The following DENND5B variants were observed in gnomAD, a reference collection of about 807,000 sequenced individuals.
The protein encoded by DENND5B is DENN domain-containing protein 5B.
In DENND5B, 34 loss-of-function variants were observed where a neutral mutation model predicts 140.6. The observed-to-expected ratio is 0.24, with a 90% CI of 0.18 to 0.32. DENND5B has a LOEUF of 0.32. DENND5B is among the 10% of genes least tolerant of loss of function. The probability of loss-of-function intolerance (pLI) is 1.00; values close to 1 mark genes in which losing one functional copy is unlikely to be tolerated. For synonymous variants in DENND5B, 551 were observed against 562.1 expected (o/e 0.98, Z 0.28); for missense variants, 1,142 against 1,560.2 (o/e 0.73, Z 4.52).
rs1040626243 is a variant in DENND5B, at chr12:31,591,103, C to G, written c.-271G>C. 6.4e-6 allele frequency: 1 copy of G among 155,756 alleles called. No homozygotes were observed. Among genetic ancestry groups the G allele is most frequent in the Non-Finnish European group, 1.4e-5 (1 of 72,926 alleles). The allele number at this position is 155,756 out of a possible 1,614,324, so 9.6% of individuals were successfully genotyped here. A position where few individuals can be genotyped will look rare whatever the true frequency, so the allele number is the denominator to read the frequency against. ...TCGGCCTGAGAGGCCCTCGCAGCCG[C>G]AGCTGCGCTCGCGAGCTGAGAGCCG... On this transcript the variant is annotated 5_prime_UTR_variant, in exon 1 of 21. Transcript: ENST00000389082.
At chr12:31,570,468 A>AACC in intron 1 of DENND5B, among the ~76,000 whole-genome samples, 7 of 151,382 alleles carry the variant, frequency 4.6e-5, no homozygotes, top group Admixed American at 2.0e-4. Context: ...TAGTAGAGAC[A>AACC]GGGTTTTACC....
intron 5 of DENND5B, among the ~76,000 whole-genome samples, chr12:31,450,908 G>A (rs1944484343): frequency 6.6e-6 from 1 of 151,940 alleles, no homozygotes; most frequent in Non-Finnish European, 1.5e-5. Context: ...ATAAAATCTG[G>A]GAGATAGGTG....
intron 1 of DENND5B, among the ~76,000 whole-genome samples, chr12:31,574,557 T>C (rs901423287): frequency 6.6e-6 from 1 of 151,844 alleles, no homozygotes; most frequent in African/African-American, 2.4e-5. Context: ...GTCACCGCAC[T>C]CCAGCCTGGG....
chr12:31,398,397 T>G (rs1335835624), intron 16 of DENND5B, 35 bp from the exon 17 acceptor site: 1 of 1,514,542 alleles, frequency 6.6e-7, no homozygotes, highest in East Asian at 2.5e-5. Context: ...TTATTTTTTA[T>G]TTTTTTGAGA....
intron 11 of DENND5B, among the ~76,000 whole-genome samples, chr12:31,419,429 C>T (rs1265976982): frequency 6.8e-6 from 1 of 147,468 alleles, no homozygotes; most frequent in East Asian, 2.0e-4. Flanking sequence ...GCAACAAGAG[C>T]GAGCGAAACT....
chr12:31,552,372 T>G (rs1353718684), intron 1 of DENND5B, among the ~76,000 whole-genome samples: 1 of 152,190 alleles, frequency 6.6e-6, no homozygotes, highest in African/African-American at 2.4e-5. Flanking sequence ...ATTTATTGAT[T>G]TGTGTATGTT....
intron 8 of DENND5B, among the ~76,000 whole-genome samples, chr12:31,429,472 G>A (rs1443915003): frequency 2.0e-5 from 3 of 152,082 alleles, no homozygotes; most frequent in Non-Finnish European, 4.4e-5. Context: ...GCAGTGGCTC[G>A]GTCTTGGCTC....
chr12:31,472,246 G>A (rs947219881), intron 3 of DENND5B, among the ~76,000 whole-genome samples: 1 of 152,168 alleles, frequency 6.6e-6, no homozygotes, highest in Non-Finnish European at 1.5e-5. Flanking sequence ...AAATTTTTAA[G>A]TGTCTATTAA....
At position 31,452,260 on chromosome 12, in the gene DENND5B, C is replaced by G. The variant is rs1261490499; in HGVS notation, c.1309G>C (p.Val437Leu). The G allele has an allele frequency of 2.5e-6, 4 of 1,613,956 alleles. No homozygotes were observed. In the South Asian group the frequency reaches 4.4e-5, roughly 18 times the overall value. The part of the protein sequence containing the change: ...DLVNDKKNGN[V>L]CTNNISMYEL... ...TACATGCTGATGTTATTAGTACAGA[C>G]ATTGCCGTTCTTTTTGTCATTGACC... The change falls in exon 5 of 21, where the codon GTC becomes CTC. Residue 437 changes from valine to leucine, a missense_variant. Transcript: ENST00000389082.
chr12:31,423,578 T>C lies in DENND5B; in HGVS notation c.2470+19A>G. ...TCTCAGAGTCCAGTGCTGCTAGTTC[T>C]TTACCAATGATGTCATACCTGGTGA... On this transcript the variant is annotated intron_variant, in intron 11 of 20. Coordinates refer to ENST00000389082, the MANE Select transcript of DENND5B (RefSeq NM_144973.4). 6.2e-7 allele frequency: 1 copy of C among 1,612,974 alleles called. No homozygotes were observed. Among genetic ancestry groups the C allele is most frequent in the Non-Finnish European group, 8.5e-7 (1 of 1,179,084 alleles).
chr12:31,419,618 G>A (rs554238428), intron 11 of DENND5B, among the ~76,000 whole-genome samples: 1 of 152,242 alleles, frequency 6.6e-6, no homozygotes, highest in Middle Eastern at 3.4e-3. Flanking sequence ...GATAATTTCT[G>A]ATGAAGATAA....
chr12:31,587,354 T>C (rs988904565), intron 1 of DENND5B, among the ~76,000 whole-genome samples: 2 of 151,970 alleles, frequency 1.3e-5, no homozygotes, highest in Non-Finnish European at 2.9e-5. Context: ...AGCCCCAAAA[T>C]CTTGGAGTCA....
intron 1 of DENND5B, among the ~76,000 whole-genome samples, chr12:31,577,258 G>A (rs2139442971): frequency 6.6e-6 from 1 of 152,188 alleles, no homozygotes; most frequent in East Asian, 1.9e-4. Context: ...CTAGAAAAGA[G>A]GAAGAGAAGG....
intron 1 of DENND5B, among the ~76,000 whole-genome samples, chr12:31,505,249 T>G (rs1947153391): frequency 6.6e-6 from 1 of 151,500 alleles, no homozygotes; most frequent in Admixed American, 6.6e-5. Flanking sequence ...CTTTTTTTTT[T>G]TTTTTTTGAG....
chr12:31,472,494 G>A (rs1945608266), intron 3 of DENND5B, among the ~76,000 whole-genome samples: 1 of 152,150 alleles, frequency 6.6e-6, no homozygotes, highest in Admixed American at 6.5e-5. Context: ...GTTTCCCTAT[G>A]TTGGCCAGGC....
Position 31,392,171 on chromosome 12 carries a change from C to G in DENND5B, c.3466+96G>C, listed in dbSNP as rs1016221646. On this transcript the variant is annotated intron_variant, in intron 19 of 20. Transcript: ENST00000389082. The stretch of plus-strand genomic sequence containing the variant: ...AAAAAAGAAAAAAAATATATATATC[C>G]TTATCACTAACCCTTATTCACTCAG... The G allele has an allele frequency of 5.1e-6, 7 of 1,363,302 alleles. No homozygotes were observed. The African/African-American group carries it at 1.0e-4, about 20-fold the overall frequency. The allele number at this position is 1,363,302 out of a possible 1,614,324, so 84.5% of individuals were successfully genotyped here.
chr12:31,435,760 A>C (rs1054831432), intron 7 of DENND5B, among the ~76,000 whole-genome samples: 3 of 152,068 alleles, frequency 2.0e-5, no homozygotes, highest in African/African-American at 7.2e-5. Context: ...TCCTGGGTTC[A>C]AGTGATTCTC....
intron 1 of DENND5B, among the ~76,000 whole-genome samples, chr12:31,521,007 T>C (rs1947853629): frequency 6.6e-6 from 1 of 152,138 alleles, no homozygotes; most frequent in African/African-American, 2.4e-5. Context: ...CTACAGCTCA[T>C]TTCATTTTGA....
intron 7 of DENND5B, among the ~76,000 whole-genome samples, chr12:31,435,985 A>G (rs1035340542): frequency 3.3e-5 from 5 of 151,892 alleles, no homozygotes; most frequent in African/African-American, 1.2e-4. Flanking sequence ...TTTTGTAGAG[A>G]CAGGGTTTTA....
Sources: allele counts gnomAD v4.1 joint callset (sites outside exome capture counted in the v4.1 genomes callset), GRCh38; gene constraint gnomAD v4.1.1; transcripts MANE v1.5; gene names NCBI Gene and HGNC (gene_info 2026-07-23, HGNC 2026-07-21).